Variants in TUSC3 observed in about 807,000 individuals in gnomAD.
The protein encoded by TUSC3 is tumor suppressor candidate 3.
Under a neutral mutation model 44.8 loss-of-function variants are expected in TUSC3, and 45 were observed. The ratio of observed to expected loss-of-function variants is 1.00; its 90% CI spans 0.79 to 1.29. The LOEUF (loss-of-function observed/expected upper bound fraction) is 1.29. Ranked by LOEUF, TUSC3 falls within the 50% of genes most tolerant of loss-of-function variation. The pLI, the probability that TUSC3 is intolerant of heterozygous loss-of-function variation, is 0.00. For missense variants in TUSC3, 519 were observed against 437.9 expected, an observed-to-expected ratio of 1.19 and a Z score of -1.65; for synonymous variants, 212 against 152.9, an observed-to-expected ratio of 1.39 and a Z score of -2.85.
chr8:15,754,531 T>TTAAG (rs1330623445), intron 9 of TUSC3, among the ~76,000 whole-genome samples: 2 of 152,114 alleles, frequency 1.3e-5, no homozygotes, highest in Non-Finnish European at 2.9e-5. Context: ...GATAAGACAC[T>TTAAG]TAAGTTACCC....
chr8:15,572,682 G>A (rs1753175414), intron 1 of TUSC3, among the ~76,000 whole-genome samples: 1 of 152,134 alleles, frequency 6.6e-6, no homozygotes, highest in Non-Finnish European at 1.5e-5. Context: ...TGAGAGACAT[G>A]TGACTCTGCA....
intron 2 of TUSC3, among the ~76,000 whole-genome samples, chr8:15,646,547 T>C (rs958426982): frequency 6.6e-6 from 1 of 152,130 alleles, no homozygotes; most frequent in South Asian, 2.1e-4. Context: ...TTTTTTAATT[T>C]TTTTAAATTA....
intron 6 of TUSC3, among the ~76,000 whole-genome samples, chr8:15,682,977 C>G (rs1277088474): frequency 6.6e-6 from 1 of 152,048 alleles, no homozygotes; most frequent in African/African-American, 2.4e-5. Flanking sequence ...AAAGCAGGCC[C>G]CATTCTCTTC....
intron 2 of TUSC3, among the ~76,000 whole-genome samples, chr8:15,509,179 A>G (rs1227882237): frequency 6.6e-6 from 1 of 152,220 alleles, no homozygotes; most frequent in East Asian, 1.9e-4. Context: ...TTGTTTTCCA[A>G]CAACAGAGTA....
chr8:15,650,336 T>A (rs1342084649), intron 2 of TUSC3, among the ~76,000 whole-genome samples: 4 of 152,224 alleles, frequency 2.6e-5, no homozygotes, highest in African/African-American at 9.7e-5. Context: ...TGCTGCAAAA[T>A]GTTTTTATTC....
intron 8 of TUSC3, 86 bp from the exon 9 acceptor site, chr8:15,748,289 G>A (rs1811510731): frequency 1.0e-6 from 1 of 1,001,082 alleles, no homozygotes; most frequent in Admixed American, 1.7e-5. Flanking sequence ...TAAGTATACT[G>A]TAATTGAATG....
In TUSC3 at chr8:15,501,594, A is replaced by G. The variant is rs1800965968; in HGVS notation, n.189+18111A>G. ...TCACAATGTTTTGGGAATGGGAAAG[A>G]AGAAGCTACAATGGTTTATGGCAAT... On this transcript the variant is annotated intron_variant and non_coding_transcript_variant, in intron 2 of 5. Transcript: ENST00000503191. Among the ~76,000 whole-genome samples, 3 of 152,196 alleles carry G rather than the reference A, an allele frequency of 2.0e-5. No individual in the cohort carries two copies. In the South Asian group the frequency reaches 6.2e-4, roughly 32 times the overall value.
At chr8:15,612,285 C>T (rs963242957) in intron 1 of TUSC3, among the ~76,000 whole-genome samples, 3 of 152,060 alleles carry the variant, frequency 2.0e-5, no homozygotes, top group African/African-American at 7.2e-5. Flanking sequence ...GACATGAGAC[C>T]ACATATCTTT....
At chr8:15,685,362 G>A (rs1808587292) in intron 6 of TUSC3, among the ~76,000 whole-genome samples, 1 of 151,926 alleles carries the variant, frequency 6.6e-6, no homozygotes, top group African/African-American at 2.4e-5. Context: ...TAATCACAGT[G>A]TCCATCTCTT....
rs181549143 is a variant in TUSC3, at chr8:15,422,824, G to A, written n.91+5519G>A. On this transcript the variant is annotated intron_variant and non_coding_transcript_variant, in intron 1 of 5. Coordinates refer to the TUSC3 transcript ENST00000503191. ...AACCCAGCTAATTTTTGTATTTTTTGTAGAGATGGGGTTTTGCCATGTTGT... is the reference window on the plus strand; with the variant it reads ...AACCCAGCTAATTTTTGTATTTTTTATAGAGATGGGGTTTTGCCATGTTGT... 3.0e-3 allele frequency among the ~76,000 whole-genome samples: 459 copies of A among 152,082 alleles called. 1 individual carries two copies. Among genetic ancestry groups the A allele is most frequent in the African/African-American group, 0.011 (447 of 41,476 alleles).
intron 1 of TUSC3, among the ~76,000 whole-genome samples, chr8:15,455,780 G>T (rs528530686): frequency 4.6e-5 from 7 of 152,110 alleles, no homozygotes; most frequent in Non-Finnish European, 1.0e-4. Flanking sequence ...GGTAACTACG[G>T]GAGATACTTA....
In TUSC3 at chr8:15,497,405, C is replaced by G. The variant is rs78279742; in HGVS notation, n.189+13922C>G. Among the ~76,000 whole-genome samples the G allele has an allele frequency of 2.8e-4, 42 of 152,318 alleles. 1 individual carries two copies. In the East Asian group the frequency reaches 7.9e-3, roughly 29 times the overall value. ...TGCCTCGCTCTTGCCCTGAAGGAGA[C>G]ACTATCCAAGGATGTTTGCTAAACG... On this transcript the variant is annotated intron_variant and non_coding_transcript_variant, in intron 2 of 5. Transcript: ENST00000503191.
chr8:15,625,145 T>C (rs200455036), intron 2 of TUSC3, among the ~76,000 whole-genome samples: 4 of 152,192 alleles, frequency 2.6e-5, no homozygotes, highest in East Asian at 3.8e-4. Flanking sequence ...ATCAGTTACA[T>C]TGATTGATTT....
At chr8:15,536,273 G>A (rs1422925884), upstream of TUSC3, among the ~76,000 whole-genome samples, 1 of 152,116 alleles carries the variant, frequency 6.6e-6, no homozygotes, top group Non-Finnish European at 1.5e-5. Context: ...CCAGGTAGAA[G>A]GTAATGTAAA....
At chr8:15,529,821 C>A (rs1320766470) in intron 2 of TUSC3, among the ~76,000 whole-genome samples, 1 of 110,384 alleles carries the variant, frequency 9.1e-6, no homozygotes. Context: ...GACGGAGTCT[C>A]GCTCTGTTGC....
At chr8:15,799,494 A>T in the TUSC3 span, among the ~76,000 whole-genome samples, 8 of 152,152 alleles carry the variant, frequency 5.3e-5, no homozygotes, top group Admixed American at 3.9e-4. Context: ...CAACAATGAC[A>T]TACTATTTGT....
upstream of TUSC3, among the ~76,000 whole-genome samples, chr8:15,536,657 G>A (rs963579438): frequency 4.2e-5 from 5 of 119,950 alleles, no homozygotes; most frequent in African/African-American, 1.6e-4. Flanking sequence ...ACGCCAGCCT[G>A]GGTGACAGAG....
chr8:15,743,649 T>C (rs1338320412), intron 8 of TUSC3, 37 bp downstream of exon 8: 1 of 1,605,858 alleles, frequency 6.2e-7, no homozygotes, highest in Non-Finnish European at 8.5e-7. Context: ...AATTTCGTTT[T>C]AGTCTTAAGA....
At chr8:15,813,544 G>A in the TUSC3 span, among the ~76,000 whole-genome samples, 1 of 152,058 alleles carries the variant, frequency 6.6e-6, no homozygotes, top group African/African-American at 2.4e-5. Context: ...ACAGCAATGG[G>A]AAGATACTGT....
Sources: allele counts gnomAD v4.1 joint callset (sites outside exome capture counted in the v4.1 genomes callset), GRCh38; gene constraint gnomAD v4.1.1; transcripts MANE v1.5; gene names NCBI Gene and HGNC (gene_info 2026-07-23, HGNC 2026-07-21).